Variants in JAK1 observed in about 807,000 individuals in gnomAD.
The protein encoded by JAK1 is tyrosine-protein kinase JAK1.
In JAK1, 16 loss-of-function variants were observed where a neutral mutation model predicts 136.6. The observed-to-expected ratio is 0.12, with a 90% CI of 0.08 to 0.18. The LOEUF is 0.18. Ranked by LOEUF, JAK1 falls within the 10% of genes least tolerant of loss-of-function variation. The pLI is 1.00. For missense variants in JAK1, 859 were observed against 1,450.1 expected (o/e 0.59, Z 6.62); for synonymous variants, 492 against 519.5 (o/e 0.95, Z 0.72).
At chr1:64,852,311 A>G (rs1655653817) in intron 11 of JAK1, among the ~76,000 whole-genome samples, 1 of 152,208 alleles carries the variant, frequency 6.6e-6, no homozygotes, top group South Asian at 2.1e-4. Context: ...TTCACACTGA[A>G]GTCAGAGATG....
chr1:65,047,964 G>A (rs1050377933), intron 1 of JAK1, among the ~76,000 whole-genome samples: 9 of 152,270 alleles, frequency 5.9e-5, no homozygotes, highest in Middle Eastern at 3.4e-3. Context: ...CTCAAACAAT[G>A]TTAAGCTATT....
intron 2 of JAK1, among the ~76,000 whole-genome samples, chr1:64,884,742 G>A (rs1010682965): frequency 2.0e-5 from 3 of 151,990 alleles, no homozygotes; most frequent in Non-Finnish European, 2.9e-5. Context: ...CTCAGATATC[G>A]CCTCCTGCAG....
intron 1 of JAK1, among the ~76,000 whole-genome samples, chr1:64,892,672 T>C (rs1644957174): frequency 6.6e-6 from 1 of 152,182 alleles, no homozygotes; most frequent in Non-Finnish European, 1.5e-5. Context: ...ATATAGCACT[T>C]TATGGCTTAA....
At chr1:65,010,303 C>T (rs780118539) in intron 2 of JAK1, among the ~76,000 whole-genome samples, 40 of 152,280 alleles carry the variant, frequency 2.6e-4, no homozygotes, top group Admixed American at 7.2e-4. Flanking sequence ...CTCTCTCGCA[C>T]GCTCATTCTC....
intron 2 of JAK1, among the ~76,000 whole-genome samples, chr1:65,016,329 TGGTTTAAATGG>T (rs1646891730): frequency 6.6e-6 from 1 of 152,162 alleles, no homozygotes; most frequent in South Asian, 2.1e-4. Flanking sequence ...CCCTTAAAAA[TGGTTTAAATGG>T]GCCGAGCATG....
intron 2 of JAK1, among the ~76,000 whole-genome samples, chr1:65,034,506 A>C (rs773535909): frequency 3.9e-5 from 6 of 152,226 alleles, no homozygotes; most frequent in Non-Finnish European, 7.3e-5. Flanking sequence ...CCATTAATTT[A>C]ATGGAAAGAT....
chr1:65,035,958 C>A (rs1012666989), intron 2 of JAK1, among the ~76,000 whole-genome samples: 2 of 152,028 alleles, frequency 1.3e-5, no homozygotes, highest in African/African-American at 4.8e-5. Context: ...GTCCCAGCTA[C>A]TCAGGAGGCT....
chr1:64,910,281 C>T (rs915800024), intron 1 of JAK1, among the ~76,000 whole-genome samples: 1 of 152,052 alleles, frequency 6.6e-6, no homozygotes. Context: ...TAGTCTACTG[C>T]TTTCCACATA....
At chr1:64,842,115 A>C (rs1654943454) in intron 17 of JAK1, among the ~76,000 whole-genome samples, 1 of 152,224 alleles carries the variant, frequency 6.6e-6, no homozygotes, top group African/African-American at 2.4e-5. Flanking sequence ...ATTTAATCTC[A>C]CAGGAAAGCA....
chr1:64,837,893 A>C (rs1473800131), intron 22 of JAK1, 39 bp downstream of exon 22: 1 of 1,566,402 alleles, frequency 6.4e-7, no homozygotes, highest in African/African-American at 1.4e-5. Context: ...TGTAAACTCT[A>C]TGAAGCATTG....
intron 1 of JAK1, among the ~76,000 whole-genome samples, chr1:64,947,207 T>C (rs1377574354): frequency 2.7e-5 from 4 of 148,734 alleles, no homozygotes; most frequent in Admixed American, 6.6e-5. Flanking sequence ...GTAAATTTTA[T>C]GTTGTTTATT....
intron 1 of JAK1, among the ~76,000 whole-genome samples, chr1:64,890,569 A>G (rs1211712828): frequency 2.0e-5 from 3 of 152,212 alleles, no homozygotes; most frequent in Non-Finnish European, 4.4e-5. Context: ...CTTAAGCCCC[A>G]GGAGTTTGAG....
At chr1:64,861,624 A>G (rs1426922511) in intron 8 of JAK1, among the ~76,000 whole-genome samples, 1 of 152,194 alleles carries the variant, frequency 6.6e-6, no homozygotes, top group Non-Finnish European at 1.5e-5. Context: ...ATAGCCCTGT[A>G]GAAAGGAGAG....
intron 1 of JAK1, among the ~76,000 whole-genome samples, chr1:65,064,669 T>C (rs998962611): frequency 6.6e-6 from 1 of 152,244 alleles, no homozygotes; most frequent in African/African-American, 2.4e-5. Context: ...ATCAGTCACC[T>C]ACAAAAGTTA....
Position 64,883,454 on chromosome 1 carries a change from A to T in JAK1, c.28T>A (p.Cys10Ser). 1 of 1,614,036 alleles carries T rather than the reference A, an allele frequency of 6.2e-7. No homozygotes were observed. The highest frequency in any genetic ancestry group is 8.5e-7 in the Non-Finnish European group (1 of 1,179,916). Reference sequence around the variant, plus strand: ...TTAGCACAGAAAGCCATGGCATTGCAGTCCTCTTTTATATTTAGATACTGT... The same window carrying T: ...TTAGCACAGAAAGCCATGGCATTGCTGTCCTCTTTTATATTTAGATACTGT... MQYLNIKED[C>S]NAMAFCAKMR... The change falls in exon 3 of 25, where the codon TGC becomes AGC. Residue 10 changes from cysteine to serine, a missense_variant. Cys to Ser is a moderately radical substitution (Grantham distance 112). Transcript: ENST00000342505.
At chr1:64,976,554 G>A (rs575116558) in intron 2 of JAK1, among the ~76,000 whole-genome samples, 2 of 152,234 alleles carry the variant, frequency 1.3e-5, no homozygotes, top group African/African-American at 4.8e-5. Context: ...GGCTGTTAAG[G>A]AGCTCAGCTC....
At chr1:64,847,286 A>G (rs1437227689) in intron 13 of JAK1, among the ~76,000 whole-genome samples, 1 of 149,388 alleles carries the variant, frequency 6.7e-6, no homozygotes, top group Non-Finnish European at 1.5e-5. Context: ...ACCTGTCCTT[A>G]GGAAAGGTGG....
chr1:64,901,528 C>T (rs375137150), intron 1 of JAK1, among the ~76,000 whole-genome samples: 23 of 152,202 alleles, frequency 1.5e-4, no homozygotes, highest in African/African-American at 4.8e-4. Context: ...GGTCAGCCAG[C>T]AGGTGAAAAA....
At chr1:64,982,309 G>A (rs942409110) in intron 2 of JAK1, among the ~76,000 whole-genome samples, 8 of 152,076 alleles carry the variant, frequency 5.3e-5, no homozygotes, top group South Asian at 2.1e-4. Context: ...CTGAGTTAAC[G>A]CATTATGTGA....
Sources: allele counts gnomAD v4.1 joint callset (sites outside exome capture counted in the v4.1 genomes callset), GRCh38; gene constraint gnomAD v4.1.1; transcripts MANE v1.5; gene names NCBI Gene and HGNC (gene_info 2026-07-23, HGNC 2026-07-21).